Variants in FRMPD4 observed in about 807,000 individuals in gnomAD.
FRMPD4 encodes FERM and PDZ domain-containing protein 4.
FRMPD4 carries 22 observed loss-of-function variants against 94.1 expected under a neutral mutation model. The ratio of observed to expected loss-of-function variants is 0.23; its 90% CI spans 0.17 to 0.33. The LOEUF (loss-of-function observed/expected upper bound fraction) is 0.33. Among genes scored for constraint, FRMPD4 ranks in the 10% least tolerant of loss-of-function variants. The pLI is 1.00. For missense variants in FRMPD4, 1,111 were observed against 1,339.9 expected, an observed-to-expected ratio of 0.83 and a Z score of 2.67; for synonymous variants, 631 against 548.6, an observed-to-expected ratio of 1.15 and a Z score of -2.10.
chrX:11,880,161 C>A (rs1181875731), intron 3 of FRMPD4, among the ~76,000 whole-genome samples: 1 of 111,594 alleles, frequency 9.0e-6, no homozygotes, highest in Non-Finnish European at 1.9e-5. Flanking sequence ...CTGAAACCAG[C>A]TTGATCTGGT....
chrX:12,520,181 T>G (rs1406652076), intron 2 of FRMPD4, among the ~76,000 whole-genome samples: 2 of 111,750 alleles, frequency 1.8e-5, no homozygotes. Context: ...CAAAATGTGG[T>G]CTTTACATAT....
chrX:12,360,981 G>C (rs1192810071), intron 1 of FRMPD4, among the ~76,000 whole-genome samples: 1 of 103,589 alleles, frequency 9.7e-6, no homozygotes, highest in African/African-American at 3.5e-5. Context: ...AAAACGGTAA[G>C]TATTTTGAAC....
intron 3 of FRMPD4, among the ~76,000 whole-genome samples, chrX:11,901,993 G>GATATT (rs2043250078): frequency 9.0e-6 from 1 of 111,644 alleles, no homozygotes; most frequent in South Asian, 3.8e-4. Flanking sequence ...ACAGATTCTG[G>GATATT]ATATTAGTCC....
intron 1 of FRMPD4, chrX:12,374,943 C>G (rs750459459): frequency 8.9e-6 from 1 of 112,571 alleles, no homozygotes; most frequent in East Asian, 2.8e-4. Flanking sequence ...GCCATACTTA[C>G]CTCTGAATCC....
At chrX:12,245,045 CAT>C (rs1185919389) in intron 1 of FRMPD4, among the ~76,000 whole-genome samples, 9 of 112,734 alleles carry the variant, frequency 8.0e-5, no homozygotes, top group African/African-American at 2.9e-4. Context: ...GGGTAGAACA[CAT>C]GTTTGATTTA....
At chrX:12,217,758 T>C (rs774791766) in intron 1 of FRMPD4, among the ~76,000 whole-genome samples, 2 of 112,287 alleles carry the variant, frequency 1.8e-5, no homozygotes, top group Non-Finnish European at 3.8e-5. Context: ...TTACATGTTG[T>C]GCATGATTAC....
Position 12,568,138 on chromosome X carries a change from G to C in FRMPD4, c.159-41583G>C, listed in dbSNP as rs2058730424. On this transcript the variant is annotated intron_variant, in intron 2 of 16. Transcript: ENST00000675598. The stretch of plus-strand genomic sequence containing the variant: ...TTTGTTTGGCAAGAAAACGCTAACA[G>C]TAGGAAAAGTTTAAAATAGCCAAAT... Among the ~76,000 whole-genome samples, 3 of 111,236 alleles carry C rather than the reference G, an allele frequency of 2.7e-5. No homozygotes were observed. The Admixed American group carries it at 2.9e-4, about 11-fold the overall frequency.
chrX:12,717,688 G>A lies in FRMPD4; in HGVS notation c.2862G>A (p.Pro954=), dbSNP rs1395277243. The A allele has an allele frequency of 8.3e-6, 10 of 1,209,651 alleles. No individual in the cohort carries two copies. Among genetic ancestry groups the A allele is most frequent in the East Asian group, 5.9e-5 (2 of 33,787 alleles). ...HPLAEEQTEF[P]ASKTPAGGLP... The stretch of plus-strand genomic sequence containing the variant: ...TTGCAGAAGAGCAGACCGAGTTCCC[G>A]GCCTCCAAGACCCCCGCTGGGGGCT... Residue 954 remains proline, a synonymous_variant, in exon 16 of 17, where the codon CCG becomes CCA. Transcript: ENST00000675598.
chrX:12,554,411 G>A (rs1209773821), intron 2 of FRMPD4, among the ~76,000 whole-genome samples: 1 of 110,917 alleles, frequency 9.0e-6, no homozygotes, highest in East Asian at 2.8e-4. Flanking sequence ...AGGCTGTCTG[G>A]GTCATTGTTT....
At chrX:12,322,602 G>A (rs1031459561) in intron 1 of FRMPD4, among the ~76,000 whole-genome samples, 4 of 110,553 alleles carry the variant, frequency 3.6e-5, no homozygotes, top group African/African-American at 1.3e-4. Context: ...CTTGTAGGTC[G>A]TAGTTTGAGT....
chrX:11,941,419 G>A (rs1449489027), intron 3 of FRMPD4, among the ~76,000 whole-genome samples: 3 of 111,521 alleles, frequency 2.7e-5, no homozygotes, highest in Non-Finnish European at 5.6e-5. Flanking sequence ...GCTTACAATT[G>A]CATTCTCCAC....
intron 3 of FRMPD4, among the ~76,000 whole-genome samples, chrX:11,896,335 GT>G (rs1322444043): frequency 8.0e-5 from 9 of 112,095 alleles, no homozygotes; most frequent in Non-Finnish European, 1.5e-4. Context: ...GAATGTTTAT[GT>G]CCCCCACAAA....
At chrX:11,992,142 G>A (rs866306831) in intron 3 of FRMPD4, among the ~76,000 whole-genome samples, 13 of 105,418 alleles carry the variant, frequency 1.2e-4, no homozygotes, top group African/African-American at 1.7e-4. Context: ...AATTAAAAGA[G>A]AAAAAAAAAA....
intron 1 of FRMPD4, among the ~76,000 whole-genome samples, chrX:12,189,582 T>A (rs2056465889): frequency 8.9e-6 from 1 of 112,151 alleles, no homozygotes; most frequent in East Asian, 2.8e-4. Context: ...GTAGGATTTA[T>A]CCCAGATATG....
At chrX:12,374,633 A>G (rs1435265896) in intron 1 of FRMPD4, among the ~76,000 whole-genome samples, 2 of 112,304 alleles carry the variant, frequency 1.8e-5, no homozygotes, top group Non-Finnish European at 3.8e-5. Context: ...TTTTAAAGAA[A>G]GGCAGGATTC....
At chrX:12,404,539 G>T (rs1162513735) in intron 1 of FRMPD4, among the ~76,000 whole-genome samples, 1 of 111,877 alleles carries the variant, frequency 8.9e-6, no homozygotes, top group Admixed American at 9.5e-5. Flanking sequence ...AGAATTAAAA[G>T]TCTGGGTAAA....
Position 12,497,599 on chromosome X carries a change from C to T in FRMPD4, c.42-1081C>T, listed in dbSNP as rs145254453. Among the ~76,000 whole-genome samples, 438 of 111,037 alleles carry T rather than the reference C, an allele frequency of 3.9e-3. 3 individuals are homozygous for T. The highest frequency in any genetic ancestry group is 0.013 in the African/African-American group (411 of 30,509). ...CAGATAATCCTATGGTGGCATTCTACATTTACCAAACCAGTATTAAATTTG... is the reference window on the plus strand; with the variant it reads ...CAGATAATCCTATGGTGGCATTCTATATTTACCAAACCAGTATTAAATTTG... On this transcript the variant is annotated intron_variant, in intron 1 of 16. Transcript: ENST00000675598.
At chrX:12,302,496 T>TC (rs1431703042) in intron 1 of FRMPD4, among the ~76,000 whole-genome samples, 3 of 111,794 alleles carry the variant, frequency 2.7e-5, no homozygotes, top group Non-Finnish European at 5.6e-5. Flanking sequence ...TATTAGCATC[T>TC]TATTAGAGGT....
chrX:12,653,749 A>G (rs2059622076), intron 4 of FRMPD4, among the ~76,000 whole-genome samples: 1 of 109,141 alleles, frequency 9.2e-6, no homozygotes, highest in East Asian at 2.8e-4. Flanking sequence ...AAAAAAAAAA[A>G]GAAAACCACT....
Sources: allele counts gnomAD v4.1 joint callset (sites outside exome capture counted in the v4.1 genomes callset), GRCh38; gene constraint gnomAD v4.1.1; transcripts MANE v1.5; gene names NCBI Gene and HGNC (gene_info 2026-07-23, HGNC 2026-07-21).